Variants in SEMA4C observed in about 807,000 individuals in gnomAD.
The protein encoded by SEMA4C is semaphorin-4C.
Under a neutral mutation model 89.0 loss-of-function variants are expected in SEMA4C, and 19 were observed. That is an observed-to-expected ratio of 0.21 (90% CI 0.15 to 0.31). The LOEUF (loss-of-function observed/expected upper bound fraction) is 0.31. SEMA4C is among the 10% of genes least tolerant of loss of function. The probability of loss-of-function intolerance (pLI) is 1.00; values close to 1 mark genes in which losing one functional copy is unlikely to be tolerated. For synonymous variants in SEMA4C, 428 were observed against 472.7 expected, an observed-to-expected ratio of 0.91 and a Z score of 1.23; for missense variants, 811 against 1,107.0, an observed-to-expected ratio of 0.73 and a Z score of 3.79.
rs757927199 is a variant in SEMA4C, at chr2:96,865,319, A to G, written c.519T>C (p.Asp173=). ...TGAGTGTGGCCGAGTACAGCTCACC[A>G]TCTATGGGAGACAGAGGTCAGCTAG... ...PAKGHAGLLV[D]GELYSATLNN... Residue 173 remains aspartate (D), a splice_region_variant and synonymous_variant, in exon 7 of 15, where the codon GAT becomes GAC. Transcript: ENST00000305476. The G allele has an allele frequency of 2.5e-6, 4 of 1,614,154 alleles. No individual in the cohort carries two copies. The highest frequency in any genetic ancestry group is 1.7e-5 in the Admixed American group (1 of 60,026).
At position 96,864,298 on chromosome 2, in the gene SEMA4C, A is replaced by C. The variant is rs2080019347; in HGVS notation, c.1047T>G (p.His349Gln). 2 of 1,613,824 alleles carry C rather than the reference A, an allele frequency of 1.2e-6. No homozygotes were observed. Among genetic ancestry groups the C allele is most frequent in the Non-Finnish European group, 1.7e-6 (2 of 1,180,000 alleles). ...RVFEGPYKEYHEEAQKWDRYT... is the reference protein window; with the variant it reads ...RVFEGPYKEYQEEAQKWDRYT... ...AGCGGTCCCACTTCTGGGCTTCCTC[A>C]TGGTACTCCTTATAGGGGCCCTCAA... Residue 349 changes from histidine to glutamine, a missense_variant, in exon 10 of 15, where the codon CAT becomes CAG. Coordinates refer to ENST00000305476, the MANE Select transcript of SEMA4C (RefSeq NM_017789.5). This position sits in a 1 kb window ranked among gnomAD's most constrained non-coding sequence, Gnocchi z 6.3.
intron 1 of SEMA4C, chr2:96,868,381 G>A (rs2080130150): frequency 8.1e-6 from 8 of 989,454 alleles, no homozygotes; most frequent in Non-Finnish European, 6.1e-6. Context: ...GGCATGCGGT[G>A]GGGTAGGCGG....
At position 96,869,860 on chromosome 2, in the gene SEMA4C, G is replaced by A; in HGVS notation, c.-38+16C>T. The A allele has an allele frequency of 1.0e-6, 1 of 985,718 alleles. No individual in the cohort carries two copies. Among genetic ancestry groups the A allele is most frequent in the Non-Finnish European group, 1.2e-6 (1 of 830,174 alleles). The allele number at this position is 985,718 out of a possible 1,614,324, so 61.1% of individuals were successfully genotyped here. On this transcript the variant is annotated intron_variant, in intron 1 of 14. Transcript: ENST00000305476. ...GCCCCGCGGCTCCAGCCTCACGCAA[G>A]CCCGGCCTCGCTCACCTATTGCGCG... is the stretch of plus-strand genomic sequence containing the variant.
Position 96,864,473 on chromosome 2 carries a change from C to A in SEMA4C, c.963-91G>T. 6.4e-7 allele frequency: 1 copy of A among 1,556,728 alleles called. No individual in the cohort carries two copies. ...CAAGCAGCAGGAAGGCAGGGCCTGGCACAAACTGGCCATGGGTACCAGAAT... is the reference window on the plus strand; with the variant it reads ...CAAGCAGCAGGAAGGCAGGGCCTGGAACAAACTGGCCATGGGTACCAGAAT... On this transcript the variant is annotated intron_variant, in intron 9 of 14. Transcript: ENST00000305476. The surrounding 1 kb of genome is among the most constrained non-coding windows in gnomAD (Gnocchi z 6.3).
chr2:96,869,823 GGCGGCTCCGGGGCCCC>G (rs1228300673), intron 1 of SEMA4C, 37 bp downstream of exon 1: 2 of 984,762 alleles, frequency 2.0e-6, no homozygotes, highest in African/African-American at 3.5e-5. Flanking sequence ...GGGACAAAGC[GGCGGCTCCGGGGCCCC>G]GCGGCTCCAG....
In SEMA4C at chr2:96,864,257, G is replaced by A; in HGVS notation, c.1088C>T (p.Pro363Leu). ...QKWDRYTDPV[P>L]SPRPGSCINN... ...ACTCACCGAGCCAGGCCGAGGGCTG[G>A]GTACAGGGTCAGTGTAGCGGTCCCA... is the stretch of plus-strand genomic sequence containing the variant. Residue 363 changes from proline to leucine, a missense_variant, in exon 10 of 15, where the codon CCC becomes CTC. By Grantham distance (98) the Pro-to-Leu change is moderately conservative. Around this residue, in one of 4 missense-constraint regions of SEMA4C, gnomAD observed 441 missense variants for 664.9 expected, o/e 0.66. Transcript: ENST00000305476. This position sits in a 1 kb window ranked among gnomAD's most constrained non-coding sequence, Gnocchi z 6.3. 1 of 1,614,006 alleles carries A rather than the reference G, an allele frequency of 6.2e-7. No homozygotes were observed. The highest frequency in any genetic ancestry group is 8.5e-7 in the Non-Finnish European group (1 of 1,180,022).
chr2:96,868,787 C>T lies in SEMA4C; in HGVS notation c.-37-864G>A, dbSNP rs1396375117. The T allele has an allele frequency of 3.0e-6, 3 of 985,214 alleles. No individual in the cohort carries two copies. In the African/African-American group the frequency reaches 5.2e-5, roughly 17 times the overall value. 61.0% of individuals were successfully genotyped at this position (985,214 alleles called of 1,614,324 possible). On this transcript the variant is annotated intron_variant, in intron 1 of 14. Transcript: ENST00000305476. The stretch of plus-strand genomic sequence containing the variant: ...ACGCGAGGGGGTTCCTCCCGGGCCG[C>T]TGGCAACGCGCCGCGCACGGCCGGC...
In SEMA4C at chr2:96,863,677, A is replaced by G; in HGVS notation, c.1443+5T>C. On this transcript the variant is annotated splice_donor_5th_base_variant and intron_variant, in intron 12 of 14. Transcript: ENST00000305476. The stretch of plus-strand genomic sequence containing the variant: ...GACAGTGGCAGATAGGGCCCAACTT[A>G]CTACCTTGCTCTGAGATAGCACCAG... 6.2e-7 allele frequency: 1 copy of G among 1,612,112 alleles called. No individual in the cohort carries two copies. Among genetic ancestry groups the G allele is most frequent in the Non-Finnish European group, 8.5e-7 (1 of 1,178,168 alleles).
At position 96,861,671 on chromosome 2, in the gene SEMA4C, A is replaced by C; in HGVS notation, c.1602-22T>G. On this transcript the variant is annotated intron_variant, in intron 13 of 14. Coordinates refer to ENST00000305476, the MANE Select transcript of SEMA4C (RefSeq NM_017789.5). The surrounding 1 kb of genome is among the most constrained non-coding windows in gnomAD (Gnocchi z 7.8). ...AGATCTGGTAGGGGATGTAGGGTAC[A>C]TCAGCAGCCTGGCTCCAACCACCCT... 4 of 1,591,926 alleles carry C rather than the reference A, an allele frequency of 2.5e-6. No homozygotes were observed. Among genetic ancestry groups the C allele is most frequent in the Non-Finnish European group, 3.4e-6 (4 of 1,166,296 alleles).
intron 1 of SEMA4C, chr2:96,869,372 C>A: frequency 7.1e-6 from 7 of 985,308 alleles, no homozygotes; most frequent in Non-Finnish European, 7.2e-6. Context: ...TGGACCGCGG[C>A]CCTCCCTGCA....
exon 1 of SEMA4C, chr2:96,870,060 GCGGGCGCCGGCTCTTTCTCCAGCGCGGC>G (rs1225165177): frequency 1.0e-6 from 1 of 978,366 alleles, no homozygotes; most frequent in African/African-American, 1.8e-5. Context: ...CGCCACCACG[GCGGGCGCCGGCTCTTTCTCCAGCGCGGC>G]CGCGGCTCTC....
chr2:96,867,954 A>G lies in SEMA4C; in HGVS notation c.-37-31T>C, dbSNP rs1375328703. On this transcript the variant is annotated intron_variant, in intron 1 of 14. Coordinates refer to ENST00000305476, the MANE Select transcript of SEMA4C (RefSeq NM_017789.5). Reference sequence around the variant, plus strand: ...GAGGGAAAAGACATGGTCAGAAATCACAGCCAGAGAAAGCAAACCAGAGGG... The same window carrying G: ...GAGGGAAAAGACATGGTCAGAAATCGCAGCCAGAGAAAGCAAACCAGAGGG... 8 of 1,610,218 alleles carry G rather than the reference A, an allele frequency of 5.0e-6. No individual in the cohort carries two copies. In the African/African-American group the frequency reaches 8.0e-5, roughly 16 times the overall value.
At position 96,860,171 on chromosome 2, in the gene SEMA4C, G is replaced by A. The variant is rs982332375; in HGVS notation, c.*455C>T. 5 of 168,316 alleles carry A rather than the reference G, an allele frequency of 3.0e-5. No homozygotes were observed. The highest frequency in any genetic ancestry group is 9.6e-5 in the African/African-American group (4 of 41,808). The allele number at this position is 168,316 out of a possible 1,614,324, so 10.4% of individuals were successfully genotyped here. ...GACACTCGGGGCAGTGGGGGTAGGA[G>A]AGACAAAGTGATACGACCCCTTCCC... is the stretch of plus-strand genomic sequence containing the variant. On this transcript the variant is annotated 3_prime_UTR_variant, in exon 15 of 15. Transcript: ENST00000305476.
At chr2:96,866,095 C>T (rs1465080507) in intron 3 of SEMA4C, among the ~76,000 whole-genome samples, 166 bp from the exon 4 acceptor site, 4 of 152,240 alleles carry the variant, frequency 2.6e-5, no homozygotes. Context: ...CACCCCACTA[C>T]ACAGAATTCA....
In SEMA4C at chr2:96,869,896, C is replaced by T. The variant is rs1017127724; in HGVS notation, c.-58G>A. 1 of 986,046 alleles carries T rather than the reference C, an allele frequency of 1.0e-6. No homozygotes were observed. Among genetic ancestry groups the T allele is most frequent in the Non-Finnish European group, 1.2e-6 (1 of 830,118 alleles). 61.1% of individuals were successfully genotyped at this position (986,046 alleles called of 1,614,324 possible). A position where few individuals can be genotyped will look rare whatever the true frequency, so the allele number is the denominator to read the frequency against. On this transcript the variant is annotated 5_prime_UTR_variant, in exon 1 of 15. Coordinates refer to ENST00000305476, the MANE Select transcript of SEMA4C (RefSeq NM_017789.5). Reference sequence around the variant, plus strand: ...CTCACCTATTGCGCGCAGCTCCAGTCCCCGGGCGCCGCCCTCGCGTTCGGC... The same window carrying T: ...CTCACCTATTGCGCGCAGCTCCAGTTCCCGGGCGCCGCCCTCGCGTTCGGC...
chr2:96,863,333 G>A (rs1665348688), intron 12 of SEMA4C: 2 of 1,055,742 alleles, frequency 1.9e-6, no homozygotes, highest in Admixed American at 4.9e-5. Flanking sequence ...CTCACAGCCT[G>A]GGAGGTCTGG....
intron 1 of SEMA4C, among the ~76,000 whole-genome samples, chr2:96,868,218 G>C (rs1193551536): frequency 6.6e-6 from 1 of 152,178 alleles, no homozygotes; most frequent in East Asian, 1.9e-4. Flanking sequence ...AATCATTTGA[G>C]AAATAAAAAG....
rs759875574 is a variant in SEMA4C at position 96,861,943 on chromosome 2, C to T, written c.1444-49G>A. On this transcript the variant is annotated intron_variant, in intron 12 of 14. Transcript: ENST00000305476. This position sits in a 1 kb window ranked among gnomAD's most constrained non-coding sequence, Gnocchi z 7.8. ...AGGGGGGTCGGCCAGGGCCACACCA[C>T]GGGAGGGGCGGCCGGACCAGAACGC... The T allele has an allele frequency of 7.7e-6, 12 of 1,551,730 alleles. No homozygotes were observed. The highest frequency in any genetic ancestry group is 5.9e-5 in the South Asian group (5 of 85,112).
At chr2:96,866,477 C>T (rs755655926) in intron 2 of SEMA4C, 46 bp from the exon 3 acceptor site, 11 of 1,612,940 alleles carry the variant, frequency 6.8e-6, no homozygotes, top group Non-Finnish European at 8.5e-6. Context: ...CCCTGGGGCT[C>T]GACAGCCCTC....
Sources: allele counts gnomAD v4.1 joint callset (sites outside exome capture counted in the v4.1 genomes callset), GRCh38; gene constraint gnomAD v4.1.1; regional missense constraint gnomAD v4.1.1; non-coding constraint Gnocchi (gnomAD v3.1); transcripts MANE v1.5; gene names NCBI Gene and HGNC (gene_info 2026-07-23, HGNC 2026-07-21).